The following GSTO2 variants were observed in gnomAD, a reference collection of about 807,000 sequenced individuals.
GSTO2 encodes glutathione S-transferase omega 2.
GSTO2 carries 23 observed loss-of-function variants against 28.4 expected under a neutral mutation model. The observed-to-expected ratio is 0.81, with a 90% CI of 0.58 to 1.15. The LOEUF (loss-of-function observed/expected upper bound fraction) is 1.15. Among genes scored for constraint, GSTO2 ranks in the 50% most tolerant of loss-of-function variants. The probability of loss-of-function intolerance (pLI) is 0.00; values close to 1 mark genes in which losing one functional copy is unlikely to be tolerated. For synonymous variants in GSTO2, 109 were observed against 111.0 expected (o/e 0.98, Z 0.11); for missense variants, 298 against 297.8 (o/e 1.00, Z 0.00).
intron 2 of GSTO2, 130 bp from the exon 3 acceptor site, chr10:104,275,095 AC>A: frequency 6.6e-7 from 1 of 1,517,304 alleles, no homozygotes; most frequent in Non-Finnish European, 8.8e-7. Context: ...CACATGCAGC[AC>A]TGCCCTCTCT....
intron 5 of GSTO2, among the ~76,000 whole-genome samples, chr10:104,279,842 C>G (rs1169587891): frequency 1.3e-5 from 2 of 152,100 alleles, no homozygotes; most frequent in Non-Finnish European, 2.9e-5. Context: ...TTTACTCTCT[C>G]ACATAACATT....
Position 104,281,536 on chromosome 10 carries a change from T to C in GSTO2, c.468+2065T>C, listed in dbSNP as rs2012037593. ...GCTAGATGAAAGTATAGGGTTATGA[T>C]GGAGATACAGTTCTTCTTCAGTCGG... On this transcript the variant is annotated intron_variant, in intron 5 of 6. Transcript: ENST00000338595. Among the ~76,000 whole-genome samples, 4 of 152,220 alleles carry C rather than the reference T, an allele frequency of 2.6e-5. No individual in the cohort carries two copies. The South Asian group carries it at 8.3e-4, about 32-fold the overall frequency.
intron 5 of GSTO2, among the ~76,000 whole-genome samples, chr10:104,282,030 C>T (rs2012081540): frequency 6.6e-6 from 1 of 151,788 alleles, no homozygotes; most frequent in Non-Finnish European, 1.5e-5. Context: ...AGGCCTTTTC[C>T]ACTGTGCCCA....
chr10:104,271,128 G>C (rs1199439463), intron 1 of GSTO2, among the ~76,000 whole-genome samples: 4 of 152,216 alleles, frequency 2.6e-5, no homozygotes, highest in African/African-American at 9.7e-5. Flanking sequence ...GTATTCAAAA[G>C]AAAGTAGGGA....
intron 1 of GSTO2, among the ~76,000 whole-genome samples, chr10:104,271,446 G>A (rs571281707): frequency 6.6e-6 from 1 of 152,282 alleles, no homozygotes; most frequent in East Asian, 1.9e-4. Flanking sequence ...CGATGCCCTG[G>A]ACTATTTGAT....
chr10:104,288,536 C>G (rs157076), intron 5 of GSTO2: 62,423 of 152,064 alleles, frequency 0.41, 15,272 homozygotes, highest in African/African-American at 0.69. Flanking sequence ...TGGTGGGAGA[C>G]TTCATTCAAA....
intron 3 of GSTO2, among the ~76,000 whole-genome samples, chr10:104,277,145 C>T (rs951466923): frequency 6.6e-6 from 1 of 152,160 alleles, no homozygotes; most frequent in African/African-American, 2.4e-5. Context: ...AACTCATACT[C>T]TTAATTGTTA....
chr10:104,282,612 T>C (rs2012141551), intron 5 of GSTO2, among the ~76,000 whole-genome samples: 1 of 150,738 alleles, frequency 6.6e-6, no homozygotes, highest in African/African-American at 2.4e-5. Flanking sequence ...GAGGATGGAT[T>C]AGAGTGTCCA....
chr10:104,291,090 G>A (rs1398348429), intron 5 of GSTO2, among the ~76,000 whole-genome samples: 1 of 152,176 alleles, frequency 6.6e-6, no homozygotes, highest in Non-Finnish European at 1.5e-5. Flanking sequence ...CACTGCTTCT[G>A]GAAAAGGGCC....
chr10:104,279,349 G>T, intron 4 of GSTO2, 21 bp from the exon 5 acceptor site: 1 of 1,593,958 alleles, frequency 6.3e-7, no homozygotes, highest in Non-Finnish European at 8.6e-7. Context: ...TCTCCACTGA[G>T]AACCTGTGTC....
intron 4 of GSTO2, among the ~76,000 whole-genome samples, chr10:104,278,639 A>G (rs182416345): frequency 6.6e-6 from 1 of 151,706 alleles, no homozygotes; most frequent in African/African-American, 2.4e-5. Context: ...ATGCCACCAC[A>G]CCCCCTAATT....
rs397787244 is a variant in GSTO2 at position 104,293,563 on chromosome 10, A to ATTTTTTTTTTTTTTTTTT, written c.469-4010_469-3993dup. 2.0e-3 allele frequency among the ~76,000 whole-genome samples: 167 copies of ATTTTTTTTTTTTTTTTTT among 81,632 alleles called. 20 individuals are homozygous for ATTTTTTTTTTTTTTTTTT. The highest frequency in any genetic ancestry group is 4.2e-3 in the African/African-American group (68 of 16,250). 53.6% of individuals were successfully genotyped at this position (81,632 alleles called of 152,430 possible). A position where few individuals can be genotyped will look rare whatever the true frequency, so the allele number is the denominator to read the frequency against. ...AGGCATGAGCCACTGCGCCTGGCCA[A>ATTTTTTTTTTTTTTTTTT]TTTTTTTTTTTTTTTTTTTTTTGCG... On this transcript the variant is annotated intron_variant, in intron 5 of 6. Transcript: ENST00000338595.
intron 5 of GSTO2, among the ~76,000 whole-genome samples, chr10:104,283,280 A>C (rs2135113952): frequency 6.6e-6 from 1 of 152,334 alleles, no homozygotes; most frequent in Non-Finnish European, 1.5e-5. Flanking sequence ...TGAGTACTCC[A>C]CATTGTCCTA....
chr10:104,273,889 G>A (rs1214348093), intron 1 of GSTO2, among the ~76,000 whole-genome samples: 1 of 152,228 alleles, frequency 6.6e-6, no homozygotes, highest in African/African-American at 2.4e-5. Flanking sequence ...GTCAGTATGA[G>A]TGAGACACAG....
chr10:104,279,658 A>T (rs149071023), intron 5 of GSTO2, among the ~76,000 whole-genome samples, 187 bp downstream of exon 5: 83 of 152,248 alleles, frequency 5.5e-4, no homozygotes, highest in Middle Eastern at 3.4e-3. Flanking sequence ...GGAAAATCTG[A>T]TGAGGAGTTG....
At chr10:104,273,738 G>A (rs568784169) in intron 1 of GSTO2, among the ~76,000 whole-genome samples, 19 of 152,292 alleles carry the variant, frequency 1.2e-4, no homozygotes, top group African/African-American at 3.6e-4. Flanking sequence ...GACTTTTAAA[G>A]TTCTTCAACC....
chr10:104,274,763 C>G lies in GSTO2; in HGVS notation c.-153C>G, dbSNP rs1026027170. The stretch of plus-strand genomic sequence containing the variant: ...CCTAGCTCCTGCTCCAGATCGCTTC[C>G]CCGTGCCCCGCCAGAGCCCAGTAGT... On this transcript the variant is annotated 5_prime_UTR_variant, in exon 2 of 7. Transcript: ENST00000338595. The G allele has an allele frequency of 1.1e-6, 1 of 908,352 alleles. No individual in the cohort carries two copies. The highest frequency in any genetic ancestry group is 1.7e-6 in the Non-Finnish European group (1 of 582,636). The allele number at this position is 908,352 out of a possible 1,614,324, so 56.3% of individuals were successfully genotyped here.
At chr10:104,288,835 TG>T (rs2012604585) in intron 5 of GSTO2, among the ~76,000 whole-genome samples, 1 of 152,226 alleles carries the variant, frequency 6.6e-6, no homozygotes, top group Non-Finnish European at 1.5e-5. Context: ...TGTTTTCTTT[TG>T]ACTTTTAATT....
At chr10:104,278,943 A>C (rs2011827327) in intron 4 of GSTO2, among the ~76,000 whole-genome samples, 1 of 152,206 alleles carries the variant, frequency 6.6e-6, no homozygotes. Context: ...AACAGCTGAC[A>C]TATATCGAAC....
Sources: allele counts gnomAD v4.1 joint callset (sites outside exome capture counted in the v4.1 genomes callset), GRCh38; gene constraint gnomAD v4.1.1; transcripts MANE v1.5; gene names NCBI Gene and HGNC (gene_info 2026-07-23, HGNC 2026-07-21).